Variants in FHIP1A observed in about 807,000 individuals in gnomAD.
The protein encoded by FHIP1A is FHF complex subunit HOOK-interacting protein 1A.
FHIP1A carries 61 observed loss-of-function variants against 88.6 expected under a neutral mutation model. That is an observed-to-expected ratio of 0.69 (90% CI 0.56 to 0.85). FHIP1A has a LOEUF of 0.85. Among genes scored for constraint, FHIP1A ranks in the 40% least tolerant of loss-of-function variants. The pLI, the probability that FHIP1A is intolerant of heterozygous loss-of-function variation, is 0.00. For missense variants in FHIP1A, 1,154 were observed against 1,273.5 expected, an observed-to-expected ratio of 0.91 and a Z score of 1.43; for synonymous variants, 478 against 496.0, an observed-to-expected ratio of 0.96 and a Z score of 0.48.
chr4:151,478,891 A>T (rs1729803311), intron 2 of FHIP1A, among the ~76,000 whole-genome samples: 1 of 152,018 alleles, frequency 6.6e-6, no homozygotes, highest in Non-Finnish European at 1.5e-5. Context: ...TTCTTGGTGT[A>T]TTTCTAAGAT....
At chr4:151,540,042 A>G (rs1353207922) in intron 3 of FHIP1A, among the ~76,000 whole-genome samples, 1 of 152,238 alleles carries the variant, frequency 6.6e-6, no homozygotes, top group Non-Finnish European at 1.5e-5. Context: ...TATGCAAGAA[A>G]GACAACTTTG....
intron 2 of FHIP1A, among the ~76,000 whole-genome samples, chr4:151,470,279 A>G (rs982442298): frequency 6.6e-6 from 1 of 152,214 alleles, no homozygotes; most frequent in African/African-American, 2.4e-5. Flanking sequence ...TGTTATGTCT[A>G]TGATTTAGTC....
chr4:151,443,861 A>C (rs549897629), intron 1 of FHIP1A, among the ~76,000 whole-genome samples: 29 of 152,144 alleles, frequency 1.9e-4, no homozygotes, highest in African/African-American at 6.8e-4. Context: ...CAGTTGGTTC[A>C]GTTTCTTTAG....
chr4:151,652,227 C>G (rs538388735), intron 11 of FHIP1A, among the ~76,000 whole-genome samples: 1 of 152,240 alleles, frequency 6.6e-6, no homozygotes, highest in African/African-American at 2.4e-5. Flanking sequence ...TATAATACAC[C>G]TGAGAACTGA....
intron 7 of FHIP1A, among the ~76,000 whole-genome samples, chr4:151,624,508 C>A (rs781068185): frequency 3.3e-5 from 5 of 152,174 alleles, no homozygotes; most frequent in Non-Finnish European, 7.4e-5. Flanking sequence ...TTGTTCACTG[C>A]TTCCCTTTTC....
intron 3 of FHIP1A, among the ~76,000 whole-genome samples, chr4:151,539,966 C>A (rs1057174303): frequency 6.6e-6 from 1 of 152,174 alleles, no homozygotes; most frequent in Non-Finnish European, 1.5e-5. Context: ...TGGAAGGATT[C>A]TGCACTGAAT....
At chr4:151,460,546 TG>T (rs1482310434) in intron 2 of FHIP1A, among the ~76,000 whole-genome samples, 3 of 152,144 alleles carry the variant, frequency 2.0e-5, no homozygotes, top group Admixed American at 6.5e-5. Flanking sequence ...AAAGATTAAG[TG>T]TATAGAGAGG....
intron 3 of FHIP1A, among the ~76,000 whole-genome samples, chr4:151,561,096 G>T (rs975225642): frequency 2.6e-5 from 4 of 152,114 alleles, no homozygotes; most frequent in Admixed American, 2.0e-4. Context: ...TTGTTTCGTG[G>T]GATTATTAAG....
chr4:151,588,626 A>G (rs958104285), intron 6 of FHIP1A, among the ~76,000 whole-genome samples: 1 of 152,166 alleles, frequency 6.6e-6, no homozygotes, highest in Non-Finnish European at 1.5e-5. Context: ...TGAAAGTTCA[A>G]CTTCTGCGGA....
chr4:151,457,711 T>C (rs1729015027), intron 2 of FHIP1A, among the ~76,000 whole-genome samples: 2 of 152,184 alleles, frequency 1.3e-5, no homozygotes, highest in Non-Finnish European at 2.9e-5. Context: ...ATGTCTTTGA[T>C]TTAACTCCCC....
chr4:151,503,515 A>G (rs952480950), intron 3 of FHIP1A, among the ~76,000 whole-genome samples: 1 of 152,164 alleles, frequency 6.6e-6, no homozygotes, highest in African/African-American at 2.4e-5. Context: ...ATCTGTAGAC[A>G]GTGTCTGGTG....
intron 3 of FHIP1A, among the ~76,000 whole-genome samples, chr4:151,499,148 T>C (rs191261365): frequency 6.6e-6 from 1 of 152,308 alleles, no homozygotes; most frequent in East Asian, 1.9e-4. Context: ...AGATCTTCAT[T>C]AGTGGGTGAG....
At chr4:151,603,436 C>T (rs1308945485) in intron 7 of FHIP1A, among the ~76,000 whole-genome samples, 1 of 152,118 alleles carries the variant, frequency 6.6e-6, no homozygotes, top group Non-Finnish European at 1.5e-5. Flanking sequence ...TCTTAGTTCT[C>T]CTTAGGGTCT....
chr4:151,452,069 C>T (rs1728810993), intron 1 of FHIP1A, among the ~76,000 whole-genome samples: 1 of 152,148 alleles, frequency 6.6e-6, no homozygotes, highest in Non-Finnish European at 1.5e-5. Flanking sequence ...AATCCTCTTG[C>T]CTTGGCCTCC....
chr4:151,443,685 C>CTGTGTGTGTGTGTGTGTGTGTGTGTGTG (rs57147339), intron 1 of FHIP1A, among the ~76,000 whole-genome samples: 9 of 122,104 alleles, frequency 7.4e-5, no homozygotes, highest in Non-Finnish European at 1.5e-4. Flanking sequence ...ATGAAGCACT[C>CTGTGTGTGTGTGTGTGTGTGTGTGTGTG]TGTGTGTGTG....
chr4:151,423,662 A>G (rs1207319233), intron 1 of FHIP1A, among the ~76,000 whole-genome samples: 1 of 152,224 alleles, frequency 6.6e-6, no homozygotes, highest in Non-Finnish European at 1.5e-5. Context: ...CATGGAATTA[A>G]TAATCAATAC....
intron 3 of FHIP1A, among the ~76,000 whole-genome samples, chr4:151,516,820 A>G (rs375499216): frequency 1.3e-5 from 2 of 151,470 alleles, no homozygotes; most frequent in African/African-American, 2.4e-5. Flanking sequence ...TGGAGAGGAT[A>G]TGGAGAAATA....
intron 3 of FHIP1A, among the ~76,000 whole-genome samples, chr4:151,563,995 A>AAAC (rs969049754): frequency 2.0e-5 from 3 of 152,116 alleles, no homozygotes; most frequent in African/African-American, 7.2e-5. Context: ...GTCTCTAATA[A>AAAC]AACAACAACA....
chr4:151,638,611 C>A, intron 8 of FHIP1A, 66 bp from the exon 9 acceptor site: 7 of 869,422 alleles, frequency 8.1e-6, no homozygotes, highest in South Asian at 3.4e-5. Context: ...GATTTATTTA[C>A]TATCTGTGGG....
Sources: allele counts gnomAD v4.1 joint callset (sites outside exome capture counted in the v4.1 genomes callset), GRCh38; gene constraint gnomAD v4.1.1; transcripts MANE v1.5; gene names NCBI Gene and HGNC (gene_info 2026-07-23, HGNC 2026-07-21).